The following NUDCD1 variants were observed in gnomAD, a reference collection of about 807,000 sequenced individuals.
The protein encoded by NUDCD1 is NudC domain containing 1.
NUDCD1 carries 60 observed loss-of-function variants against 67.8 expected under a neutral mutation model. That is an observed-to-expected ratio of 0.88 (90% CI 0.72 to 1.10). The LOEUF (loss-of-function observed/expected upper bound fraction) is 1.10. NUDCD1 is among the 50% of genes least tolerant of loss of function. NUDCD1 has a pLI of 0.00. For missense variants in NUDCD1, 643 were observed against 695.0 expected, an observed-to-expected ratio of 0.93 and a Z score of 0.84; for synonymous variants, 244 against 230.8, an observed-to-expected ratio of 1.06 and a Z score of -0.52.
intron 4 of NUDCD1, among the ~76,000 whole-genome samples, chr8:109,292,009 G>C (rs951315457): frequency 1.2e-4 from 18 of 152,100 alleles, no homozygotes; most frequent in African/African-American, 4.3e-4. Context: ...AGCCAAAGCT[G>C]AATCTAGGCC....
chr8:109,302,462 T>A lies in NUDCD1; in HGVS notation c.274-5893A>T, dbSNP rs187721457. On this transcript the variant is annotated intron_variant, in intron 2 of 9. Coordinates refer to ENST00000239690, the MANE Select transcript of NUDCD1 (RefSeq NM_032869.4). ...AATCCTCCTTTTCTACAGACCCATC[T>A]GACCTCTCCCCTCCTCCCCAGGCTG... Among the ~76,000 whole-genome samples, 492 of 152,230 alleles carry A rather than the reference T, an allele frequency of 3.2e-3. 3 individuals carry two copies. The highest frequency in any genetic ancestry group is 0.011 in the African/African-American group (453 of 41,538).
intron 8 of NUDCD1, among the ~76,000 whole-genome samples, 173 bp downstream of exon 8, chr8:109,270,832 T>TA (rs1563666257): frequency 6.6e-6 from 1 of 152,198 alleles, no homozygotes; most frequent in Non-Finnish European, 1.5e-5. Context: ...ACCAAAACTA[T>TA]ACAACACTGT....
chr8:109,332,664 A>C (rs984103868), intron 1 of NUDCD1, among the ~76,000 whole-genome samples: 25 of 152,202 alleles, frequency 1.6e-4, no homozygotes, highest in Non-Finnish European at 2.9e-5. Flanking sequence ...AGCAATAATA[A>C]CTGCTTCTTG....
In NUDCD1 at chr8:109,260,591, G is replaced by A. The variant is rs575696897; in HGVS notation, c.1299+10414C>T. 9.2e-5 allele frequency among the ~76,000 whole-genome samples: 14 copies of A among 152,316 alleles called. No individual in the cohort carries two copies. In the South Asian group the frequency reaches 2.7e-3, roughly 29 times the overall value. ...AGCATACAGAAATCAAATGCAATAT[G>A]AGCCAAAGAAACTCAATGTATAATT... On this transcript the variant is annotated intron_variant, in intron 8 of 9. Coordinates refer to ENST00000239690, the MANE Select transcript of NUDCD1 (RefSeq NM_032869.4).
chr8:109,314,800 AATAC>A (rs1815350938), intron 2 of NUDCD1, among the ~76,000 whole-genome samples: 1 of 152,116 alleles, frequency 6.6e-6, no homozygotes. Context: ...GTAAACAAGT[AATAC>A]ATAAACTATA....
At chr8:109,328,272 TC>T (rs1354004783) in intron 1 of NUDCD1, among the ~76,000 whole-genome samples, 9 of 152,150 alleles carry the variant, frequency 5.9e-5, no homozygotes, top group Non-Finnish European at 1.3e-4. Flanking sequence ...GGCTTTTCCC[TC>T]CCTTTAACTG....
chr8:109,318,778 A>G (rs1459637786), intron 2 of NUDCD1, among the ~76,000 whole-genome samples: 7 of 152,286 alleles, frequency 4.6e-5, no homozygotes, highest in Admixed American at 2.0e-4. Context: ...CACTTGGATT[A>G]GAAATAACAG....
chr8:109,274,055 GA>G (rs1413598739), intron 7 of NUDCD1, among the ~76,000 whole-genome samples: 1 of 152,004 alleles, frequency 6.6e-6, no homozygotes, highest in African/African-American at 2.4e-5. Flanking sequence ...ACAAATAGAA[GA>G]AAATTTCTTC....
At chr8:109,308,613 C>A (rs964800756) in intron 2 of NUDCD1, among the ~76,000 whole-genome samples, 1 of 151,918 alleles carries the variant, frequency 6.6e-6, no homozygotes, top group Non-Finnish European at 1.5e-5. Flanking sequence ...GAGAGAAAAT[C>A]CAAATAAGCT....
chr8:109,264,870 G>C (rs1220556692), intron 8 of NUDCD1, among the ~76,000 whole-genome samples: 1 of 149,226 alleles, frequency 6.7e-6, no homozygotes, highest in Non-Finnish European at 1.5e-5. Flanking sequence ...TTTTTACTCT[G>C]GAAAAGATCC....
Position 109,242,812 on chromosome 8 carries a change from C to A in NUDCD1, c.*197G>T. 2.9e-6 allele frequency: 1 copy of A among 345,682 alleles called. No individual in the cohort carries two copies. Among genetic ancestry groups the A allele is most frequent in the Non-Finnish European group, 5.2e-6 (1 of 191,904 alleles). 21.4% of individuals were successfully genotyped at this position (345,682 alleles called of 1,614,324 possible). A position where few individuals can be genotyped will look rare whatever the true frequency, so the allele number is the denominator to read the frequency against. On this transcript the variant is annotated 3_prime_UTR_variant, in exon 10 of 10. Transcript: ENST00000239690. ...TTTTTTTTTTTCAGAAGCCAATGTT[C>A]TCTAAATCTGCAGCTTCATTCCACA... is the stretch of plus-strand genomic sequence containing the variant.
chr8:109,275,907 T>C (rs1486520436), intron 6 of NUDCD1, among the ~76,000 whole-genome samples: 1 of 152,122 alleles, frequency 6.6e-6, no homozygotes, highest in Non-Finnish European at 1.5e-5. Context: ...TAAAGGATAA[T>C]TCTTTGTGTC....
chr8:109,303,746 C>A (rs1815042604), intron 2 of NUDCD1, among the ~76,000 whole-genome samples: 1 of 152,054 alleles, frequency 6.6e-6, no homozygotes, highest in Non-Finnish European at 1.5e-5. Flanking sequence ...ATCACGCAAC[C>A]CTTACCATCC....
chr8:109,274,927 A>G (rs114361635), intron 7 of NUDCD1, among the ~76,000 whole-genome samples: 228 of 152,272 alleles, frequency 1.5e-3, no homozygotes, highest in African/African-American at 5.4e-3. Flanking sequence ...TTATAAAGAA[A>G]AAATAACTAT....
At chr8:109,262,658 T>G (rs760412089) in intron 8 of NUDCD1, among the ~76,000 whole-genome samples, 3 of 152,174 alleles carry the variant, frequency 2.0e-5, no homozygotes, top group Non-Finnish European at 2.9e-5. Flanking sequence ...CTCAACTATA[T>G]TGACCAAGGG....
intron 7 of NUDCD1, 129 bp from the exon 8 acceptor site, chr8:109,271,259 T>A: frequency 3.6e-6 from 2 of 552,034 alleles, no homozygotes; most frequent in Non-Finnish European, 6.3e-6. Context: ...ACCAATAAAA[T>A]CATAATCACA....
chr8:109,311,180 C>T (rs76971831), intron 2 of NUDCD1, among the ~76,000 whole-genome samples: 1,679 of 152,240 alleles, frequency 0.011, 28 homozygotes, highest in African/African-American at 0.038. Context: ...CTCAACATCA[C>T]TAATGATCAG....
intron 8 of NUDCD1, among the ~76,000 whole-genome samples, chr8:109,261,369 A>G (rs976847784): frequency 3.3e-5 from 5 of 152,198 alleles, no homozygotes; most frequent in African/African-American, 1.2e-4. Context: ...TTACATATAT[A>G]TACATGATGA....
intron 6 of NUDCD1, among the ~76,000 whole-genome samples, chr8:109,278,674 C>T (rs1338020049): frequency 2.6e-5 from 4 of 152,242 alleles, no homozygotes; most frequent in Admixed American, 2.6e-4. Flanking sequence ...TTGTCTTTGG[C>T]TTCTTTCACT....
Sources: gnomAD v4.1 joint callset for allele counts (sites outside exome capture counted in the v4.1 genomes callset) on GRCh38, gnomAD v4.1.1 for gene constraint, MANE v1.5 for transcripts, NCBI Gene and HGNC (gene_info 2026-07-23, HGNC 2026-07-21) for gene names.